Variants in ARHGAP15 observed in about 807,000 individuals in gnomAD.
The protein encoded by ARHGAP15 is rho GTPase-activating protein 15.
A neutral mutation model predicts 63.7 loss-of-function variants in ARHGAP15; 51 were observed. The observed-to-expected ratio is 0.80, with a 90% CI of 0.64 to 1.01. The LOEUF is 1.01. Among genes scored for constraint, ARHGAP15 ranks in the 50% least tolerant of loss-of-function variants. The pLI, the probability that ARHGAP15 is intolerant of heterozygous loss-of-function variation, is 0.00. For synonymous variants in ARHGAP15, 191 were observed against 193.8 expected (o/e 0.99, Z 0.12); for missense variants, 560 against 564.6 (o/e 0.99, Z 0.08).
chr2:143,718,464 G>C (rs924638512), intron 13 of ARHGAP15, among the ~76,000 whole-genome samples: 4 of 151,984 alleles, frequency 2.6e-5, no homozygotes. Flanking sequence ...GACATTTTTT[G>C]GTCTATAATT....
chr2:143,624,709 T>C (rs941478727), intron 12 of ARHGAP15, among the ~76,000 whole-genome samples: 11 of 152,196 alleles, frequency 7.2e-5, no homozygotes, highest in Non-Finnish European at 1.5e-4. Context: ...TAAGACATCA[T>C]GTTCTCTTGG....
intron 10 of ARHGAP15, among the ~76,000 whole-genome samples, chr2:143,542,205 C>T (rs915161626): frequency 1.3e-5 from 2 of 152,146 alleles, no homozygotes; most frequent in Non-Finnish European, 2.9e-5. Context: ...GCTGGTGTGT[C>T]GTTTGTTAAG....
At chr2:143,548,469 T>A (rs1695421431) in intron 10 of ARHGAP15, among the ~76,000 whole-genome samples, 1 of 151,990 alleles carries the variant, frequency 6.6e-6, no homozygotes, top group African/African-American at 2.4e-5. Flanking sequence ...TTTAAATAAT[T>A]GCTCATTTTT....
At chr2:143,589,870 G>T (rs975116450) in intron 11 of ARHGAP15, among the ~76,000 whole-genome samples, 2 of 152,088 alleles carry the variant, frequency 1.3e-5, no homozygotes, top group Non-Finnish European at 2.9e-5. Flanking sequence ...CATATAAATA[G>T]GTGAAATGTA....
intron 6 of ARHGAP15, among the ~76,000 whole-genome samples, chr2:143,374,792 T>C (rs1481007907): frequency 6.6e-6 from 1 of 152,178 alleles, no homozygotes; most frequent in African/African-American, 2.4e-5. Context: ...CATGAGCTAC[T>C]GCTCCTGGCC....
intron 6 of ARHGAP15, among the ~76,000 whole-genome samples, chr2:143,269,994 CAG>C (rs1383802121): frequency 2.0e-5 from 3 of 152,026 alleles, no homozygotes; most frequent in Admixed American, 6.6e-5. Context: ...TTTTTAAAAA[CAG>C]AGTCTCGCTC....
At chr2:143,132,307 G>C (rs1004454619) in intron 1 of ARHGAP15, among the ~76,000 whole-genome samples, 3 of 152,184 alleles carry the variant, frequency 2.0e-5, no homozygotes, top group Admixed American at 2.0e-4. Flanking sequence ...TGTGTGAAAA[G>C]TCTAAGGATA....
intron 6 of ARHGAP15, among the ~76,000 whole-genome samples, chr2:143,376,884 T>A (rs1163079105): frequency 6.6e-6 from 1 of 152,080 alleles, no homozygotes; most frequent in East Asian, 1.9e-4. Context: ...ATGCATTCCT[T>A]TTTTGCTTTT....
intron 2 of ARHGAP15, among the ~76,000 whole-genome samples, chr2:143,186,885 A>G (rs183515987): frequency 2.0e-3 from 300 of 152,320 alleles, no homozygotes; most frequent in Non-Finnish European, 3.5e-3. Flanking sequence ...TTAGTGAGAG[A>G]GTTATTTTTA....
In ARHGAP15 at chr2:143,282,644, A is replaced by G. The variant is rs116114208; in HGVS notation, c.474+32044A>G. ...AATTCAAAATGAGATTTGGGTGGGG[A>G]CACAGCCAAACCATATCAGGTAAAT... On this transcript the variant is annotated intron_variant, in intron 6 of 13. Transcript: ENST00000295095. Among the ~76,000 whole-genome samples, 1,501 of 152,216 alleles carry G rather than the reference A, an allele frequency of 9.9e-3. 31 individuals carry two copies. Among genetic ancestry groups the G allele is most frequent in the African/African-American group, 0.034 (1,428 of 41,532 alleles).
intron 8 of ARHGAP15, among the ~76,000 whole-genome samples, chr2:143,462,813 A>AGACG (rs1237506670): frequency 3.4e-4 from 52 of 151,846 alleles, no homozygotes; most frequent in East Asian, 8.0e-4. Flanking sequence ...ACAGACGGAC[A>AGACG]GACAGACAGA....
intron 13 of ARHGAP15, among the ~76,000 whole-genome samples, chr2:143,733,148 T>G (rs1377609352): frequency 1.3e-5 from 2 of 152,148 alleles, no homozygotes; most frequent in Non-Finnish European, 2.9e-5. Context: ...CTTAGGTCAA[T>G]GGATGAGCCA....
At chr2:143,730,491 A>G (rs1054239242) in intron 13 of ARHGAP15, among the ~76,000 whole-genome samples, 2 of 152,154 alleles carry the variant, frequency 1.3e-5, no homozygotes, top group African/African-American at 4.8e-5. Flanking sequence ...AGCCCCTTAT[A>G]AGAAGGATGC....
At chr2:143,673,158 C>CTTACT (rs1195136360) in intron 12 of ARHGAP15, among the ~76,000 whole-genome samples, 2 of 152,152 alleles carry the variant, frequency 1.3e-5, no homozygotes, top group Admixed American at 6.6e-5. Flanking sequence ...AACCTTGATT[C>CTTACT]TTACTTTACA....
intron 8 of ARHGAP15, among the ~76,000 whole-genome samples, chr2:143,438,086 T>C (rs73003364): frequency 0.22 from 33,275 of 152,078 alleles, 4,184 homozygotes; most frequent in Admixed American, 0.33. Context: ...TTAAAAATTA[T>C]AGTATTTTGG....
chr2:143,445,381 T>C (rs569819306), intron 8 of ARHGAP15, among the ~76,000 whole-genome samples: 1 of 152,100 alleles, frequency 6.6e-6, no homozygotes, highest in Admixed American at 6.6e-5. Context: ...CAGGCAGGTA[T>C]CGACCTCCTG....
At chr2:143,570,173 G>A (rs929536656) in intron 11 of ARHGAP15, among the ~76,000 whole-genome samples, 2 of 152,080 alleles carry the variant, frequency 1.3e-5, no homozygotes, top group Non-Finnish European at 2.9e-5. Context: ...GTAATCTATT[G>A]TAATATAATG....
chr2:143,734,147 G>A (rs1202142723), intron 13 of ARHGAP15, among the ~76,000 whole-genome samples: 1 of 152,206 alleles, frequency 6.6e-6, no homozygotes, highest in African/African-American at 2.4e-5. Flanking sequence ...CCTTCGAACA[G>A]TCACGGTCCT....
intron 12 of ARHGAP15, among the ~76,000 whole-genome samples, chr2:143,659,881 T>C (rs1681660937): frequency 6.8e-6 from 1 of 147,918 alleles, no homozygotes; most frequent in South Asian, 2.1e-4. Context: ...CAATGCTTTT[T>C]ATCTTGGAGT....
Sources: allele counts gnomAD v4.1 joint callset (sites outside exome capture counted in the v4.1 genomes callset), GRCh38; gene constraint gnomAD v4.1.1; transcripts MANE v1.5; gene names NCBI Gene and HGNC (gene_info 2026-07-23, HGNC 2026-07-21).